The following ZNF76 variants were observed in gnomAD, a reference collection of about 807,000 sequenced individuals.
The protein encoded by ZNF76 is zinc finger protein 523.
ZNF76 carries 66 observed loss-of-function variants against 66.9 expected under a neutral mutation model. The observed-to-expected ratio is 0.99, with a 90% CI of 0.81 to 1.21. ZNF76 has a LOEUF of 1.21. Among genes scored for constraint, ZNF76 ranks in the 50% most tolerant of loss-of-function variants. The probability of loss-of-function intolerance (pLI) is 0.00; values close to 1 mark genes in which losing one functional copy is unlikely to be tolerated. For synonymous variants in ZNF76, 275 were observed against 296.1 expected (o/e 0.93, Z 0.73); for missense variants, 729 against 760.3 (o/e 0.96, Z 0.48).
At chr6:35,267,892 T>TG (rs1562088830) in intron 1 of ZNF76, among the ~76,000 whole-genome samples, 3 of 152,140 alleles carry the variant, frequency 2.0e-5, no homozygotes, top group Non-Finnish European at 4.4e-5. Flanking sequence ...GTTGGAGTGG[T>TG]GGGGGCTTCA....
intron 7 of ZNF76, 144 bp downstream of exon 7, chr6:35,290,860 G>C: frequency 1.3e-6 from 1 of 783,858 alleles, no homozygotes. Context: ...GCTCTCTCTG[G>C]AGGAAACCTT....
chr6:35,293,987 G>T, intron 12 of ZNF76, 72 bp downstream of exon 12: 1 of 1,541,556 alleles, frequency 6.5e-7, no homozygotes, highest in Admixed American at 1.8e-5. Context: ...TTAAAGTGCA[G>T]CCTAAACTAG....
At chr6:35,262,829 C>T (rs990236766) in intron 1 of ZNF76, among the ~76,000 whole-genome samples, 3 of 152,088 alleles carry the variant, frequency 2.0e-5, no homozygotes, top group African/African-American at 7.2e-5. Flanking sequence ...TAAGGCCTCT[C>T]CTCTCATACC....
At chr6:35,282,712 CAG>C (rs777343936) in intron 2 of ZNF76, among the ~76,000 whole-genome samples, 11 of 152,354 alleles carry the variant, frequency 7.2e-5, no homozygotes, top group South Asian at 4.1e-4. Flanking sequence ...AACACACTCT[CAG>C]AATATATTTC....
At chr6:35,271,048 A>G (rs1786979402) in intron 1 of ZNF76, among the ~76,000 whole-genome samples, 1 of 152,160 alleles carries the variant, frequency 6.6e-6, no homozygotes, top group South Asian at 2.1e-4. Flanking sequence ...AGATCTTGCC[A>G]TGTCAATATG....
At chr6:35,286,058 A>G (rs1789516304) in intron 2 of ZNF76, 70 bp from the exon 3 acceptor site, 3 of 1,459,600 alleles carry the variant, frequency 2.1e-6, no homozygotes, top group South Asian at 2.3e-5. Context: ...AGCCTCAGCT[A>G]AAAACAGGCA....
chr6:35,292,545 T>C lies in ZNF76; in HGVS notation c.932-9T>C, dbSNP rs1385355482. 2 of 1,611,252 alleles carry C rather than the reference T, an allele frequency of 1.2e-6. No homozygotes were observed. Among genetic ancestry groups the C allele is most frequent in the South Asian group, 1.1e-5 (1 of 91,008 alleles). On this transcript the variant is annotated splice_polypyrimidine_tract_variant and intron_variant, in intron 9 of 13. Transcript: ENST00000373953. The surrounding 1 kb of genome is among the most constrained non-coding windows in gnomAD (Gnocchi z 4.7). ...AGTTCCCACCCCCCTCACAGCCCAG[T>C]GTCCCCAGGGGAGAAGCCATACGTT...
intron 1 of ZNF76, among the ~76,000 whole-genome samples, chr6:35,273,558 A>G (rs1407857221): frequency 6.6e-6 from 1 of 151,684 alleles, no homozygotes; most frequent in Non-Finnish European, 1.5e-5. Flanking sequence ...CAACGCAGGC[A>G]GATCATGAGG....
rs1790547149 is a variant in ZNF76, at chr6:35,292,505, C to T, written c.932-49C>T. On this transcript the variant is annotated intron_variant, in intron 9 of 13. Transcript: ENST00000373953. The surrounding 1 kb of genome is among the most constrained non-coding windows in gnomAD (Gnocchi z 4.7). ...CCCTCACCCCTGTCCCCTTAGTTTCCCCCTTGCCAGCCCCAGTTCCCACCC... is the reference window on the plus strand; with the variant it reads ...CCCTCACCCCTGTCCCCTTAGTTTCTCCCTTGCCAGCCCCAGTTCCCACCC... The T allele has an allele frequency of 1.9e-6, 3 of 1,606,458 alleles. No individual in the cohort carries two copies. Among genetic ancestry groups the T allele is most frequent in the East Asian group, 4.5e-5 (2 of 44,748 alleles).
Position 35,281,097 on chromosome 6 carries a change from C to G in ZNF76, c.-55C>G, listed in dbSNP as rs1582122461. ...GAAATCTCTGACCTCAGCTGTGGCT[C>G]TTGGTGCTGGCCAGAAGCCAACTTC... On this transcript the variant is annotated 5_prime_UTR_variant, in exon 2 of 14. Coordinates refer to ENST00000373953, the MANE Select transcript of ZNF76 (RefSeq NM_003427.5). The G allele has an allele frequency of 1.3e-6, 2 of 1,553,534 alleles. No individual in the cohort carries two copies. The highest frequency in any genetic ancestry group is 1.8e-6 in the Non-Finnish European group (2 of 1,124,970).
intron 2 of ZNF76, among the ~76,000 whole-genome samples, chr6:35,281,526 C>G (rs891558141): frequency 2.0e-5 from 3 of 152,192 alleles, no homozygotes; most frequent in Non-Finnish European, 4.4e-5. Flanking sequence ...TTATGACTCC[C>G]TGCTTTTCAG....
chr6:35,275,272 G>A (rs1259251743), intron 1 of ZNF76, among the ~76,000 whole-genome samples: 2 of 152,024 alleles, frequency 1.3e-5, no homozygotes, highest in Non-Finnish European at 2.9e-5. Flanking sequence ...CTCCCAGTCT[G>A]TCTCTCCCCT....
At chr6:35,261,084 G>C (rs1317121736) in intron 1 of ZNF76, among the ~76,000 whole-genome samples, 1 of 152,162 alleles carries the variant, frequency 6.6e-6, no homozygotes, top group African/African-American at 2.4e-5. Context: ...GGGACTTTTG[G>C]TATATTATTT....
intron 2 of ZNF76, among the ~76,000 whole-genome samples, chr6:35,284,441 C>T (rs1789248114): frequency 6.6e-6 from 1 of 151,282 alleles, no homozygotes. Flanking sequence ...CTCTGTCACC[C>T]AGGCTAGAGT....
At position 35,287,652 on chromosome 6, in the gene ZNF76, A is replaced by G. The variant is rs1157321963; in HGVS notation, c.239A>G (p.Tyr80Cys). The G allele has an allele frequency of 1.2e-6, 2 of 1,610,672 alleles. No homozygotes were observed. The highest frequency in any genetic ancestry group is 1.3e-5 in the African/African-American group (1 of 75,016). Residue 80 changes from tyrosine (Y) to cysteine (C), a missense_variant, in exon 5 of 14, where the codon TAT (tyrosine) becomes TGT (cysteine). Transcript: ENST00000373953. This position sits in a 1 kb window ranked among gnomAD's most constrained non-coding sequence, Gnocchi z 4.0. The part of the protein sequence containing the change: ...AYIHRTPREG[Y>C]DPSTLEAVQL... ...AACCGCGTGTTCCCTGCAGAAGGCT[A>G]TGACCCCAGCACCCTGGAAGCCGTC...
In ZNF76 at chr6:35,295,210, G is replaced by A; in HGVS notation, c.1675G>A (p.Val559Met). ...CACTGCGGCCATGCAGCAAGGGGCT[G>A]TGACCCTGGAGACAACAGTGTCGGA... ...VATAAMQQGA[V>M]TLETTVSESG... Residue 559 changes from valine (V) to methionine (M), a missense_variant, in exon 14 of 14, where the codon GTG becomes ATG. Coordinates refer to ENST00000373953, the MANE Select transcript of ZNF76 (RefSeq NM_003427.5). 1 of 1,611,336 alleles carries A rather than the reference G, an allele frequency of 6.2e-7. No individual in the cohort carries two copies. Among genetic ancestry groups the A allele is most frequent in the Non-Finnish European group, 8.5e-7 (1 of 1,178,836 alleles).
At chr6:35,274,861 A>C (rs1006061766) in intron 1 of ZNF76, among the ~76,000 whole-genome samples, 1 of 152,246 alleles carries the variant, frequency 6.6e-6, no homozygotes, top group African/African-American at 2.4e-5. Context: ...AAGTTTATTT[A>C]AAAGTGCAGC....
rs1394722615 is a variant in ZNF76, at chr6:35,295,854, T to A, written c.*606T>A. 2 of 161,294 alleles carry A rather than the reference T, an allele frequency of 1.2e-5. No homozygotes were observed. Among genetic ancestry groups the A allele is most frequent in the African/African-American group, 4.8e-5 (2 of 41,672 alleles). The allele number at this position is 161,294 out of a possible 1,614,324, so 10.0% of individuals were successfully genotyped here. On this transcript the variant is annotated 3_prime_UTR_variant, in exon 14 of 14. Coordinates refer to ENST00000373953, the MANE Select transcript of ZNF76 (RefSeq NM_003427.5). Reference sequence around the variant, plus strand: ...ATGGCAGAGAGGCAGGGAGTGGCCCTGTACATAGACTGCTGGGGATTGGGT... The same window carrying A: ...ATGGCAGAGAGGCAGGGAGTGGCCCAGTACATAGACTGCTGGGGATTGGGT...
chr6:35,288,080 C>T (rs755325559), intron 5 of ZNF76: 24 of 687,042 alleles, frequency 3.5e-5, no homozygotes, highest in Middle Eastern at 4.7e-4. Context: ...CAGCTGTTTA[C>T]GCTCACTTTT....
Sources: gnomAD v4.1 joint callset for allele counts (sites outside exome capture counted in the v4.1 genomes callset) on GRCh38, gnomAD v4.1.1 for gene constraint, Gnocchi (gnomAD v3.1) non-coding constraint, MANE v1.5 for transcripts, NCBI Gene and HGNC (gene_info 2026-07-23, HGNC 2026-07-21) for gene names.